GALNT17: variants seen among roughly 807,000 people sequenced by gnomAD.
The protein encoded by GALNT17 is polypeptide N-acetylgalactosaminyltransferase 17.
In GALNT17, 29 loss-of-function variants were observed where a neutral mutation model predicts 63.7. The observed-to-expected ratio is 0.46, with a 90% CI of 0.34 to 0.62. The LOEUF is 0.62. Ranked by LOEUF, GALNT17 falls within the 20% of genes least tolerant of loss-of-function variation. GALNT17 has a pLI of 0.01. For synonymous variants in GALNT17, 305 were observed against 318.3 expected, an observed-to-expected ratio of 0.96 and a Z score of 0.45; for missense variants, 603 against 799.6, an observed-to-expected ratio of 0.75 and a Z score of 2.97.
intron 1 of GALNT17, among the ~76,000 whole-genome samples, chr7:71,138,007 C>T (rs1787819353): frequency 6.6e-6 from 1 of 152,114 alleles, no homozygotes; most frequent in South Asian, 2.1e-4. Context: ...GTATTATACA[C>T]TATATTCTTA....
intron 1 of GALNT17, among the ~76,000 whole-genome samples, chr7:71,230,763 G>C (rs1789773232): frequency 6.6e-6 from 1 of 152,126 alleles, no homozygotes; most frequent in Non-Finnish European, 1.5e-5. Flanking sequence ...TGTGTTTTTG[G>C]TTTTTCAGAT....
intron 2 of GALNT17, among the ~76,000 whole-genome samples, chr7:71,381,348 G>A (rs1480694335): frequency 6.6e-6 from 1 of 152,174 alleles, no homozygotes. Context: ...GGAAATTAGG[G>A]CTGATGGTAT....
chr7:71,553,326 C>T (rs903499988), intron 5 of GALNT17, among the ~76,000 whole-genome samples: 2 of 150,746 alleles, frequency 1.3e-5, no homozygotes, highest in African/African-American at 4.9e-5. Flanking sequence ...GACCTTGTCT[C>T]TTTAAAAAAA....
intron 9 of GALNT17, among the ~76,000 whole-genome samples, chr7:71,683,810 C>A (rs979065782): frequency 6.6e-6 from 1 of 152,020 alleles, no homozygotes; most frequent in Non-Finnish European, 1.5e-5. Flanking sequence ...GAGTTTGAGA[C>A]CAGCCTGGCC....
At chr7:71,641,739 C>T (rs1486300045) in intron 6 of GALNT17, among the ~76,000 whole-genome samples, 1 of 151,820 alleles carries the variant, frequency 6.6e-6, no homozygotes, top group African/African-American at 2.4e-5. Flanking sequence ...CATTCCAGGC[C>T]TGTTGTAGGA....
chr7:71,331,779 G>A (rs1280420200), intron 1 of GALNT17, among the ~76,000 whole-genome samples: 1 of 152,146 alleles, frequency 6.6e-6, no homozygotes, highest in Non-Finnish European at 1.5e-5. Flanking sequence ...AACAGAGATT[G>A]TAATAATACC....
intron 1 of GALNT17, among the ~76,000 whole-genome samples, chr7:71,213,219 G>A (rs1162301053): frequency 2.0e-5 from 3 of 152,150 alleles, no homozygotes; most frequent in Non-Finnish European, 2.9e-5. Flanking sequence ...AGATCTTACG[G>A]TTTTATCAGG....
At chr7:71,572,395 A>G (rs1257058712) in intron 6 of GALNT17, among the ~76,000 whole-genome samples, 1 of 147,754 alleles carries the variant, frequency 6.8e-6, no homozygotes, top group African/African-American at 2.5e-5. Flanking sequence ...CCAGCTACTC[A>G]GGAGGCTGAA....
In GALNT17 at chr7:71,636,529, G is replaced by A. The variant is rs1269679493; in HGVS notation, c.1081-28882G>A. 1.3e-5 allele frequency among the ~76,000 whole-genome samples: 2 copies of A among 152,172 alleles called. 1 individual carries two copies. Among genetic ancestry groups the A allele is most frequent in the South Asian group, 4.1e-4 (2 of 4,820 alleles). ...AGTGACTTCCCACTGGGTGGTTTCCGTTTGCTCCAGTAAATAGCAGGCGAC... is the reference window on the plus strand; with the variant it reads ...AGTGACTTCCCACTGGGTGGTTTCCATTTGCTCCAGTAAATAGCAGGCGAC... On this transcript the variant is annotated intron_variant, in intron 6 of 10. Transcript: ENST00000333538.
At position 71,202,736 on chromosome 7, in the gene GALNT17, C is replaced by T. The variant is rs566997416; in HGVS notation, c.238+69696C>T. On this transcript the variant is annotated intron_variant, in intron 1 of 10. Transcript: ENST00000333538. ...TGCTGTGATATTTCCAAAACTTATC[C>T]CTCCCGTCAAACCGAACCTTTGTAA... Among the ~76,000 whole-genome samples, 11 of 152,212 alleles carry T rather than the reference C, an allele frequency of 7.2e-5. No homozygotes were observed. In the South Asian group the frequency reaches 1.2e-3, roughly 17 times the overall value.
At chr7:71,250,699 A>G (rs1246856677) in intron 1 of GALNT17, among the ~76,000 whole-genome samples, 2 of 152,242 alleles carry the variant, frequency 1.3e-5, no homozygotes, top group Non-Finnish European at 2.9e-5. Flanking sequence ...AAAAACTGCA[A>G]TTACTTTTGC....
intron 1 of GALNT17, among the ~76,000 whole-genome samples, chr7:71,225,215 C>G (rs184081795): frequency 6.6e-6 from 1 of 152,198 alleles, no homozygotes; most frequent in South Asian, 2.1e-4. Context: ...GTGATCTGCC[C>G]GCCTCAGCCT....
intron 4 of GALNT17, 146 bp downstream of exon 4, chr7:71,416,209 C>G: frequency 9.8e-7 from 1 of 1,021,360 alleles, no homozygotes; most frequent in Admixed American, 3.2e-5. Flanking sequence ...AAAGTGAGAC[C>G]ATTGTCTGGG....
chr7:71,219,588 C>T (rs987377946), intron 1 of GALNT17, among the ~76,000 whole-genome samples: 3 of 151,986 alleles, frequency 2.0e-5, no homozygotes, highest in African/African-American at 7.2e-5. Flanking sequence ...TATTTAATTT[C>T]CAAGAGCCTT....
chr7:71,391,030 C>G (rs11972510), intron 3 of GALNT17, among the ~76,000 whole-genome samples: 14,323 of 152,246 alleles, frequency 0.094, 1,375 homozygotes, highest in African/African-American at 0.25. Context: ...GTCGCACTTA[C>G]TAGCATGTGG....
In GALNT17 at chr7:71,184,054, C is replaced by T. The variant is rs142264090; in HGVS notation, c.238+51014C>T. 1.5e-3 allele frequency among the ~76,000 whole-genome samples: 233 copies of T among 152,148 alleles called. 6 individuals are homozygous for T. Among genetic ancestry groups the T allele is most frequent in the African/African-American group, 5.3e-3 (218 of 41,506 alleles). On this transcript the variant is annotated intron_variant, in intron 1 of 10. Coordinates refer to ENST00000333538, the MANE Select transcript of GALNT17 (RefSeq NM_022479.3). ...CCCTATTGGGAGATACGGTCGTTAA[C>T]GAGGTAATTAAATGAAAATGAAGGT...
chr7:71,597,550 C>T (rs1546786), intron 6 of GALNT17, among the ~76,000 whole-genome samples: 119,315 of 152,050 alleles, frequency 0.78, 47,526 homozygotes, highest in East Asian at 0.97. Flanking sequence ...AAATAATAAA[C>T]AAACATTTCT....
At chr7:71,362,006 GGGTACAGT>G (rs1428604497) in intron 2 of GALNT17, among the ~76,000 whole-genome samples, 1 of 152,012 alleles carries the variant, frequency 6.6e-6, no homozygotes, top group Non-Finnish European at 1.5e-5. Context: ...GCCCAGGCTG[GGGTACAGT>G]GGTGCAGTCT....
chr7:71,193,916 CAA>C (rs1356724092), intron 1 of GALNT17, among the ~76,000 whole-genome samples: 1 of 152,170 alleles, frequency 6.6e-6, no homozygotes, highest in Non-Finnish European at 1.5e-5. Flanking sequence ...GGCGTATTGA[CAA>C]AGAGCTATAC....
Sources: allele counts gnomAD v4.1 joint callset (sites outside exome capture counted in the v4.1 genomes callset), GRCh38; gene constraint gnomAD v4.1.1; transcripts MANE v1.5; gene names NCBI Gene and HGNC (gene_info 2026-07-23, HGNC 2026-07-21).